Variants in ADGRL3 observed in about 807,000 individuals in gnomAD.
The protein encoded by ADGRL3 is calcium-independent alpha-latrotoxin receptor 3.
In ADGRL3, 62 loss-of-function variants were observed where a neutral mutation model predicts 153.5. The observed-to-expected ratio is 0.40, with a 90% CI of 0.33 to 0.50. The LOEUF is 0.50. Among genes scored for constraint, ADGRL3 ranks in the 20% least tolerant of loss-of-function variants. The pLI is 0.47. For missense variants in ADGRL3, 1,641 were observed against 1,859.4 expected, an observed-to-expected ratio of 0.88 and a Z score of 2.16; for synonymous variants, 710 against 672.5, an observed-to-expected ratio of 1.06 and a Z score of -0.86.
At chr4:61,958,377 GT>G (rs34443462) in intron 17 of ADGRL3, among the ~76,000 whole-genome samples, 5,693 of 148,152 alleles carry the variant, frequency 0.038, 139 homozygotes, top group African/African-American at 0.068. Flanking sequence ...TGTTGTAAAG[GT>G]TTCTTTCTTT....
chr4:61,497,442 T>C, intron 3 of ADGRL3, 94 bp downstream of exon 3: 1 of 677,466 alleles, frequency 1.5e-6, no homozygotes, highest in South Asian at 2.1e-5. Context: ...GACTGCTTTG[T>C]AGTTTTTCCT....
At chr4:61,874,902 G>A (rs539525423) in intron 9 of ADGRL3, among the ~76,000 whole-genome samples, 375 of 134,422 alleles carry the variant, frequency 2.8e-3, no homozygotes, top group African/African-American at 9.5e-3. Flanking sequence ...TCCGCTTCCC[G>A]GGTTCACGCC....
In ADGRL3 at chr4:61,793,699, T is replaced by C. The variant is rs564731421; in HGVS notation, c.1400-20110T>C. Among the ~76,000 whole-genome samples the C allele has an allele frequency of 3.3e-5, 5 of 152,232 alleles. No individual in the cohort carries two copies. In the South Asian group the frequency reaches 1.0e-3, roughly 32 times the overall value. On this transcript the variant is annotated intron_variant, in intron 8 of 26. Transcript: ENST00000683033. ...CCCATCCTTATTCCCACTCTCAGCCTACCCTCCAGACAGCTACCGGATACT... is the reference window on the plus strand; with the variant it reads ...CCCATCCTTATTCCCACTCTCAGCCCACCCTCCAGACAGCTACCGGATACT...
chr4:61,869,936 TAAAAAAAAAAA>T (rs1190618911), intron 9 of ADGRL3, among the ~76,000 whole-genome samples: 8 of 10,502 alleles, frequency 7.6e-4, no homozygotes, highest in East Asian at 1.6e-3. Flanking sequence ...AAAACTTTGT[TAAAAAAAAAAA>T]AAAAAAAAAA....
intron 9 of ADGRL3, among the ~76,000 whole-genome samples, chr4:61,849,604 G>A (rs2149130768): frequency 6.6e-6 from 1 of 151,864 alleles, no homozygotes; most frequent in Middle Eastern, 3.4e-3. Context: ...CAGCATTTTT[G>A]GGACTGTAAT....
chr4:61,765,861 A>G (rs2096971236), intron 8 of ADGRL3, among the ~76,000 whole-genome samples: 1 of 152,092 alleles, frequency 6.6e-6, no homozygotes, highest in Admixed American at 6.5e-5. Flanking sequence ...CCTGAGGAGT[A>G]GTAGAATAGC....
intron 4 of ADGRL3, among the ~76,000 whole-genome samples, chr4:61,574,558 G>T (rs949607678): frequency 6.6e-6 from 1 of 151,640 alleles, no homozygotes; most frequent in African/African-American, 2.4e-5. Context: ...CATCAAACAA[G>T]AATCTTGGAG....
intron 8 of ADGRL3, among the ~76,000 whole-genome samples, chr4:61,782,262 C>T (rs1349117265): frequency 6.6e-6 from 1 of 152,098 alleles, no homozygotes; most frequent in Non-Finnish European, 1.5e-5. Context: ...ATAATATTCA[C>T]TGATTCAGTC....
intron 17 of ADGRL3, among the ~76,000 whole-genome samples, chr4:61,969,023 C>G (rs1510923): frequency 6.6e-6 from 1 of 151,826 alleles, no homozygotes; most frequent in Non-Finnish European, 1.5e-5. Context: ...CATGATTCAA[C>G]GTATCATTTG....
intron 1 of ADGRL3, among the ~76,000 whole-genome samples, chr4:61,315,273 C>T (rs534081251): frequency 6.6e-6 from 1 of 152,108 alleles, no homozygotes; most frequent in Non-Finnish European, 1.5e-5. Context: ...CCATAGGTCC[C>T]CTTACTTACT....
At chr4:61,584,863 C>A (rs956505279) in intron 4 of ADGRL3, among the ~76,000 whole-genome samples, 1 of 151,924 alleles carries the variant, frequency 6.6e-6, no homozygotes, top group African/African-American at 2.4e-5. Context: ...TTTAAATACA[C>A]TTATGAAAAT....
intron 4 of ADGRL3, among the ~76,000 whole-genome samples, chr4:61,539,297 C>T (rs1401046513): frequency 6.6e-6 from 1 of 152,220 alleles, no homozygotes; most frequent in East Asian, 1.9e-4. Flanking sequence ...AGAGCCTCTG[C>T]TGTGTCTGTA....
At chr4:61,273,037 G>A (rs2149817019) in intron 1 of ADGRL3, among the ~76,000 whole-genome samples, 1 of 152,192 alleles carries the variant, frequency 6.6e-6, no homozygotes, top group Middle Eastern at 3.4e-3. Context: ...TGTAAATAGG[G>A]GATGATGATA....
At chr4:61,711,202 A>G (rs1450147697) in intron 6 of ADGRL3, among the ~76,000 whole-genome samples, 7 of 151,984 alleles carry the variant, frequency 4.6e-5, no homozygotes, top group Non-Finnish European at 1.0e-4. Flanking sequence ...CATAAAAGAC[A>G]TATTGCAGCA....
chr4:61,949,207 G>A (rs986810856), intron 17 of ADGRL3, among the ~76,000 whole-genome samples: 3 of 152,134 alleles, frequency 2.0e-5, no homozygotes, highest in African/African-American at 7.2e-5. Flanking sequence ...CATCTCAATG[G>A]TTAAGAACTG....
chr4:61,413,560 A>G (rs1335889601), intron 2 of ADGRL3, among the ~76,000 whole-genome samples: 1 of 152,128 alleles, frequency 6.6e-6, no homozygotes, highest in Non-Finnish European at 1.5e-5. Flanking sequence ...GGGTGAGGCT[A>G]AAGTTTTCTC....
chr4:61,784,503 C>T (rs2097254410), intron 8 of ADGRL3, among the ~76,000 whole-genome samples: 2 of 152,056 alleles, frequency 1.3e-5, no homozygotes, highest in African/African-American at 4.8e-5. Context: ...TCACTGTCTT[C>T]ACAAGTTTAC....
In ADGRL3 at chr4:61,895,746, T is replaced by C. The variant is rs189474276; in HGVS notation, c.1799T>C (p.Leu600Pro). 3.8e-3 allele frequency: 6,040 copies of C among 1,594,084 alleles called. 24 individuals are homozygous for C. The highest frequency in any genetic ancestry group is 4.0e-3 in the Non-Finnish European group (4,624 of 1,167,602). Reference protein sequence around the residue: ...PAGTIGVSTYLCLAPDGIWDP... With the variant: ...PAGTIGVSTYPCLAPDGIWDP... Reference sequence around the variant, plus strand: ...ATTATTACAGGTGTATCAACTTATCTATGCCTTGCTCCTGATGGAATTTGG... The same window carrying C: ...ATTATTACAGGTGTATCAACTTATCCATGCCTTGCTCCTGATGGAATTTGG... Residue 600 changes from leucine to proline, a missense_variant, in exon 11 of 27, where the codon CTA becomes CCA. Leu to Pro is a moderately conservative substitution (Grantham distance 98). Around this residue, in one of 5 missense-constraint regions of ADGRL3, gnomAD observed 734 missense variants for 797.0 expected, o/e 0.92. Transcript: ENST00000683033.
intron 2 of ADGRL3, among the ~76,000 whole-genome samples, chr4:61,410,049 A>C (rs964930270): frequency 1.3e-5 from 2 of 152,022 alleles, no homozygotes; most frequent in Non-Finnish European, 2.9e-5. Flanking sequence ...AAAACTGCTT[A>C]AATTATTACT....
Sources: allele counts gnomAD v4.1 joint callset (sites outside exome capture counted in the v4.1 genomes callset), GRCh38; gene constraint gnomAD v4.1.1; regional missense constraint gnomAD v4.1.1; transcripts MANE v1.5; gene names NCBI Gene and HGNC (gene_info 2026-07-23, HGNC 2026-07-21).